The following TM9SF3 variants were observed in gnomAD, a reference collection of about 807,000 sequenced individuals.
The protein encoded by TM9SF3 is transmembrane 9 superfamily member 3, also known as SM-11044-binding protein.
A neutral mutation model predicts 78.6 loss-of-function variants in TM9SF3; 14 were observed. The observed-to-expected ratio is 0.18, with a 90% CI of 0.12 to 0.28. TM9SF3 has a LOEUF of 0.28. TM9SF3 is among the 10% of genes least tolerant of loss of function. TM9SF3 has a pLI of 1.00. For missense variants in TM9SF3, 496 were observed against 721.9 expected (o/e 0.69, Z 3.59); for synonymous variants, 231 against 241.7 (o/e 0.96, Z 0.41).
In TM9SF3 at chr10:96,533,181, A is replaced by C. The variant is rs1847917454; in HGVS notation, c.1195T>G (p.Cys399Gly). The C allele has an allele frequency of 6.2e-7, 1 of 1,613,702 alleles. No individual in the cohort carries two copies. Among genetic ancestry groups the C allele is most frequent in the Non-Finnish European group, 8.5e-7 (1 of 1,179,812 alleles). Residue 399 changes from cysteine (C) to glycine (G), a missense_variant, in exon 10 of 15, where the codon TGT becomes GGT. Cys to Gly is a radical substitution (Grantham distance 159). This residue lies in a region of TM9SF3 where 280 missense variants were observed against 422.6 expected (regional missense o/e 0.66). Coordinates refer to ENST00000371142, the MANE Select transcript of TM9SF3 (RefSeq NM_020123.4). ...AGAATAACAAAAAAACAGATGCAACAAACGGCCACCTGTAAATTAAATAAA... is the reference window on the plus strand; with the variant it reads ...AGAATAACAAAAAAACAGATGCAACCAACGGCCACCTGTAAATTAAATAAA... ...AIPFGTMVAV[C>G]CICFFVILPL...
At chr10:96,541,409 T>C (rs1225632411) in intron 9 of TM9SF3, among the ~76,000 whole-genome samples, 1 of 151,906 alleles carries the variant, frequency 6.6e-6, no homozygotes, top group Non-Finnish European at 1.5e-5. Context: ...AGAGTCTCAC[T>C]CTGCCACCCA....
In TM9SF3 at chr10:96,524,173, C is replaced by A. The variant is rs192025342; in HGVS notation, c.1703-1843G>T. On this transcript the variant is annotated intron_variant, in intron 14 of 14. Transcript: ENST00000371142. ...ATTTTTGTATGTATTTCAAAGTTTC[C>A]CTTTATTAAATATTAAAATACAAAA... is the stretch of plus-strand genomic sequence containing the variant. Among the ~76,000 whole-genome samples, 6 of 151,644 alleles carry A rather than the reference C, an allele frequency of 4.0e-5. No homozygotes were observed. The East Asian group carries it at 9.6e-4, about 24-fold the overall frequency.
chr10:96,526,712 T>G (rs1564927180), intron 14 of TM9SF3, among the ~76,000 whole-genome samples: 1 of 152,122 alleles, frequency 6.6e-6, no homozygotes, highest in Non-Finnish European at 1.5e-5. Context: ...TACCCAAGTA[T>G]GCAATCATAA....
chr10:96,536,731 C>T (rs1165396354), intron 9 of TM9SF3, among the ~76,000 whole-genome samples: 1 of 152,124 alleles, frequency 6.6e-6, no homozygotes, highest in Non-Finnish European at 1.5e-5. Flanking sequence ...AAATGAAAAT[C>T]TTTATTATGA....
Position 96,519,527 on chromosome 10 carries a change from A to G in TM9SF3, c.*2736T>C, listed in dbSNP as rs1420852541. On this transcript the variant is annotated 3_prime_UTR_variant, in exon 15 of 15. Coordinates refer to ENST00000371142, the MANE Select transcript of TM9SF3 (RefSeq NM_020123.4). ...GTATACAAATGTCAACTACTAATGT[A>G]GTTAAATTTCAGGAGAAGCATGCTT... is the stretch of plus-strand genomic sequence containing the variant. The G allele has an allele frequency of 1.3e-5, 2 of 152,026 alleles. No homozygotes were observed. Among genetic ancestry groups the G allele is most frequent in the Non-Finnish European group, 2.9e-5 (2 of 67,888 alleles). The allele number at this position is 152,026 out of a possible 1,614,324, so 9.4% of individuals were successfully genotyped here.
At chr10:96,581,084 T>C (rs1848563511) in intron 1 of TM9SF3, among the ~76,000 whole-genome samples, 1 of 152,174 alleles carries the variant, frequency 6.6e-6, no homozygotes, top group African/African-American at 2.4e-5. Flanking sequence ...GAGCCTTTAA[T>C]CTGCCTGAAA....
intron 1 of TM9SF3, 122 bp downstream of exon 1, chr10:96,586,612 G>A: frequency 1.3e-6 from 1 of 798,252 alleles, no homozygotes; most frequent in Non-Finnish European, 1.7e-6. Flanking sequence ...CCAACCGGAA[G>A]GAGTCCTCGG....
intron 7 of TM9SF3, among the ~76,000 whole-genome samples, chr10:96,549,147 C>G (rs1848137462): frequency 6.6e-6 from 1 of 152,162 alleles, no homozygotes; most frequent in Non-Finnish European, 1.5e-5. Context: ...CAATATCACA[C>G]TATAACAGGC....
chr10:96,573,144 T>C (rs989479331), intron 2 of TM9SF3, among the ~76,000 whole-genome samples: 3 of 152,310 alleles, frequency 2.0e-5, no homozygotes, highest in African/African-American at 7.2e-5. Flanking sequence ...AAGTCAAATA[T>C]TCAAGAGATG....
intron 9 of TM9SF3, among the ~76,000 whole-genome samples, chr10:96,541,301 T>G (rs190632817): frequency 4.7e-4 from 71 of 152,294 alleles, no homozygotes; most frequent in African/African-American, 1.7e-3. Flanking sequence ...ACCAAAACCT[T>G]TGGGTAGAGC....
At position 96,519,151 on chromosome 10, in the gene TM9SF3, C is replaced by A. The variant is rs1847730646; in HGVS notation, c.*3112G>T. 6.6e-6 allele frequency: 1 copy of A among 151,956 alleles called. No individual in the cohort carries two copies. Among genetic ancestry groups the A allele is most frequent in the South Asian group, 2.1e-4 (1 of 4,830 alleles). The allele number at this position is 151,956 out of a possible 1,614,324, so 9.4% of individuals were successfully genotyped here. ...TCAAGGTTTTAATAACATTTCTTTG[C>A]AAGACATTTGGTATAAGGTGGTTAA... is the stretch of plus-strand genomic sequence containing the variant. On this transcript the variant is annotated 3_prime_UTR_variant, in exon 15 of 15. Coordinates refer to ENST00000371142, the MANE Select transcript of TM9SF3 (RefSeq NM_020123.4).
chr10:96,580,159 T>C (rs1848546129), intron 1 of TM9SF3, among the ~76,000 whole-genome samples: 1 of 152,234 alleles, frequency 6.6e-6, no homozygotes. Flanking sequence ...ATTCTTCACC[T>C]ACTTATTTTC....
intron 5 of TM9SF3, among the ~76,000 whole-genome samples, chr10:96,554,337 C>T (rs1488605062): frequency 6.6e-6 from 1 of 152,106 alleles, no homozygotes; most frequent in Non-Finnish European, 1.5e-5. Flanking sequence ...AGACATGTTC[C>T]AGTTCTTCCC....
In TM9SF3 at chr10:96,519,241, T is replaced by C. The variant is rs1261694181; in HGVS notation, c.*3022A>G. ...ACTTGTGAATAAACCCTAAATAAAGTGGCTTTTGGAAGAACTGGATTTTGC... is the reference window on the plus strand; with the variant it reads ...ACTTGTGAATAAACCCTAAATAAAGCGGCTTTTGGAAGAACTGGATTTTGC... On this transcript the variant is annotated 3_prime_UTR_variant, in exon 15 of 15. Transcript: ENST00000371142. 2 of 152,020 alleles carry C rather than the reference T, an allele frequency of 1.3e-5. No homozygotes were observed. Among genetic ancestry groups the C allele is most frequent in the Non-Finnish European group, 1.5e-5 (1 of 67,894 alleles). 9.4% of individuals were successfully genotyped at this position (152,020 alleles called of 1,614,324 possible).
intron 10 of TM9SF3, 49 bp from the exon 11 acceptor site, chr10:96,530,657 T>C (rs1233934355): frequency 1.3e-6 from 2 of 1,496,262 alleles, no homozygotes; most frequent in Non-Finnish European, 1.8e-6. Flanking sequence ...ATTTCCATGT[T>C]ATATAAACAC....
intron 2 of TM9SF3, among the ~76,000 whole-genome samples, chr10:96,565,831 T>C (rs183072599): frequency 0.013 from 1,962 of 152,266 alleles, 32 homozygotes; most frequent in Non-Finnish European, 0.016. Flanking sequence ...CATTTGTAGC[T>C]ATAAGATCTC....
intron 9 of TM9SF3, among the ~76,000 whole-genome samples, chr10:96,542,481 A>T (rs926858048): frequency 2.0e-5 from 3 of 152,210 alleles, no homozygotes; most frequent in Non-Finnish European, 4.4e-5. Flanking sequence ...CTGAATATTA[A>T]CATTTAAAAC....
chr10:96,564,010 G>A (rs1309374727), intron 3 of TM9SF3, among the ~76,000 whole-genome samples: 5 of 151,960 alleles, frequency 3.3e-5, no homozygotes, highest in African/African-American at 1.2e-4. Flanking sequence ...CCTAAAGCAT[G>A]ATGGCTTATC....
intron 4 of TM9SF3, 44 bp from the exon 5 acceptor site, chr10:96,559,780 A>G: frequency 8.5e-7 from 1 of 1,173,704 alleles, no homozygotes; most frequent in Non-Finnish European, 1.2e-6. Flanking sequence ...CAGTAAACAA[A>G]TTAATAATCT....
Sources: gnomAD v4.1 joint callset for allele counts (sites outside exome capture counted in the v4.1 genomes callset) on GRCh38, gnomAD v4.1.1 for gene constraint, gnomAD v4.1.1 regional missense constraint, MANE v1.5 for transcripts, NCBI Gene and HGNC (gene_info 2026-07-23, HGNC 2026-07-21) for gene names.